TMED3: variants seen among roughly 807,000 people sequenced by gnomAD.
TMED3 encodes transmembrane p24 trafficking protein 3.
TMED3 carries 9 observed loss-of-function variants against 15.0 expected under a neutral mutation model. The ratio of observed to expected loss-of-function variants is 0.60; its 90% CI spans 0.36 to 1.04. TMED3 has a LOEUF of 1.04. Among genes scored for constraint, TMED3 ranks in the 50% least tolerant of loss-of-function variants. The pLI is 0.01. For synonymous variants in TMED3, 117 were observed against 121.4 expected, an observed-to-expected ratio of 0.96 and a Z score of 0.24; for missense variants, 267 against 278.9, an observed-to-expected ratio of 0.96 and a Z score of 0.30.
intron 2 of TMED3, among the ~76,000 whole-genome samples, chr15:79,349,302 T>C (rs2058882744): frequency 6.6e-6 from 1 of 152,232 alleles, no homozygotes; most frequent in African/African-American, 2.4e-5. Flanking sequence ...CAAAACATCA[T>C]ATGGTGCATG....
intron 2 of TMED3, among the ~76,000 whole-genome samples, chr15:79,348,018 C>T (rs903830847): frequency 2.6e-5 from 4 of 152,090 alleles, no homozygotes; most frequent in Non-Finnish European, 4.4e-5. Context: ...GAATGATGCC[C>T]AGTCATAGAT....
chr15:79,326,328 C>T (rs1282178981), downstream of TMED3, among the ~76,000 whole-genome samples: 2 of 152,166 alleles, frequency 1.3e-5, no homozygotes, highest in South Asian at 2.1e-4. Context: ...TCCAGAAATG[C>T]GTAGTTTATT....
chr15:79,398,981 G>C (rs559570183), intron 2 of TMED3, among the ~76,000 whole-genome samples: 5 of 152,306 alleles, frequency 3.3e-5, no homozygotes, highest in African/African-American at 1.2e-4. Flanking sequence ...CATGATCTCA[G>C]CTCACTGCAA....
intron 2 of TMED3, among the ~76,000 whole-genome samples, chr15:79,392,796 T>C (rs748559610): frequency 7.9e-5 from 12 of 152,208 alleles, no homozygotes; most frequent in Non-Finnish European, 1.5e-4. Context: ...TTCTAAAAGG[T>C]ACATGACACT....
At chr15:79,348,731 A>G (rs1029919402) in intron 2 of TMED3, among the ~76,000 whole-genome samples, 1 of 152,222 alleles carries the variant, frequency 6.6e-6, no homozygotes, top group African/African-American at 2.4e-5. Context: ...AACCTTTAAA[A>G]TGGAACCTCT....
chr15:79,325,601 G>A (rs1198349536), downstream of TMED3, among the ~76,000 whole-genome samples: 3 of 152,256 alleles, frequency 2.0e-5, no homozygotes, highest in African/African-American at 4.8e-5. Flanking sequence ...TGACTCACAC[G>A]ATCACAAGGT....
Position 79,328,528 on chromosome 15 carries a change from C to A in TMED3, c.417+14523C>A, listed in dbSNP as rs567477479. Among the ~76,000 whole-genome samples, 16 of 152,292 alleles carry A rather than the reference C, an allele frequency of 1.1e-4. No individual in the cohort carries two copies. The East Asian group carries it at 2.3e-3, about 22-fold the overall frequency. On this transcript the variant is annotated intron_variant, in intron 2 of 2. Coordinates refer to the TMED3 transcript ENST00000424155. Reference sequence around the variant, plus strand: ...TTAGCCATGCTCACAGCCAGCCCCCCAAAATGGGCTGGGTTTGCATTGCAC... The same window carrying A: ...TTAGCCATGCTCACAGCCAGCCCCCAAAAATGGGCTGGGTTTGCATTGCAC...
chr15:79,412,584 A>G (rs1259881261), exon 3 of TMED3: 1 of 152,398 alleles, frequency 6.6e-6, no homozygotes, highest in African/African-American at 2.4e-5. Context: ...GCGGGACAGC[A>G]TGCGAAGTTG....
intron 2 of TMED3, among the ~76,000 whole-genome samples, chr15:79,374,824 C>G (rs1408607458): frequency 6.6e-6 from 1 of 152,128 alleles, no homozygotes; most frequent in Non-Finnish European, 1.5e-5. Context: ...GGCCATAACT[C>G]CTTTTTCAAG....
intron 2 of TMED3, among the ~76,000 whole-genome samples, chr15:79,380,581 TTATATATA>T (rs375808118): frequency 9.7e-6 from 1 of 102,912 alleles, no homozygotes; most frequent in Non-Finnish European, 2.0e-5. Context: ...ATATATAGTT[TTATATATA>T]TATATATATA....
At chr15:79,411,430 G>A in exon 3 of TMED3, 1 of 702,538 alleles carries the variant, frequency 1.4e-6, no homozygotes, top group Non-Finnish European at 2.6e-6. Flanking sequence ...GAAGGAGGTG[G>A]ACAAGATGGT....
chr15:79,339,535 C>T (rs2058841799), intron 2 of TMED3, among the ~76,000 whole-genome samples: 1 of 152,280 alleles, frequency 6.6e-6, no homozygotes, highest in African/African-American at 2.4e-5. Context: ...TATTAACTTC[C>T]ATTGCAAAAG....
intron 2 of TMED3, among the ~76,000 whole-genome samples, chr15:79,406,150 A>T (rs1200960352): frequency 2.0e-5 from 3 of 152,034 alleles, no homozygotes; most frequent in Middle Eastern, 3.2e-3. Context: ...TCACACTTGC[A>T]CTCTTTCCAT....
At chr15:79,384,212 T>G (rs1160110420) in intron 2 of TMED3, 1 of 152,208 alleles carries the variant, frequency 6.6e-6, no homozygotes, top group Non-Finnish European at 1.5e-5. Context: ...CTCGAGGCAG[T>G]GATTAATACT....
chr15:79,346,327 A>G (rs1266320127), intron 2 of TMED3, among the ~76,000 whole-genome samples: 1 of 152,204 alleles, frequency 6.6e-6, no homozygotes, highest in African/African-American at 2.4e-5. Context: ...TGTAGATCCC[A>G]TAATTCCCAT....
rs2058859578 is a variant in TMED3 at position 79,343,772 on chromosome 15, C to T, written c.417+29767C>T. 3.3e-5 allele frequency among the ~76,000 whole-genome samples: 5 copies of T among 152,104 alleles called. No homozygotes were observed. In the South Asian group the frequency reaches 8.3e-4, roughly 25 times the overall value. On this transcript the variant is annotated intron_variant, in intron 2 of 2. Coordinates refer to the TMED3 transcript ENST00000424155. ...TGAGGCACAAAAGAAAGAAAGGAGT[C>T]AATGACAACTTTGTGAATTTGAACT...
chr15:79,382,123 A>G (rs1893546824), intron 2 of TMED3, among the ~76,000 whole-genome samples: 1 of 152,194 alleles, frequency 6.6e-6, no homozygotes, highest in Non-Finnish European at 1.5e-5. Flanking sequence ...CTCTGCAGCT[A>G]TGGACATGAA....
Position 79,311,306 on chromosome 15 carries a change from C to T in TMED3, c.57C>T (p.Arg19=). 6.2e-7 allele frequency: 1 copy of T among 1,607,270 alleles called. No individual in the cohort carries two copies. Among genetic ancestry groups the T allele is most frequent in the Non-Finnish European group, 8.5e-7 (1 of 1,177,766 alleles). The change falls in exon 1 of 3, where the codon CGC becomes CGT. Residue 19 remains arginine (R), a synonymous_variant. Transcript: ENST00000299705. ...ASVLLLLLLL[R]RAEQPCGAEL... ...TGCTGCTTCTGCTGCTGCTCCTGCG[C>T]CGGGCCGAGCAGCCCTGCGGGGCCG...
intron 2 of TMED3, among the ~76,000 whole-genome samples, chr15:79,334,443 C>T (rs2058820140): frequency 6.6e-6 from 1 of 152,034 alleles, no homozygotes; most frequent in Admixed American, 6.5e-5. Context: ...TTCAGAGTGG[C>T]AGGGCAGGTG....
Sources: allele counts gnomAD v4.1 joint callset (sites outside exome capture counted in the v4.1 genomes callset), GRCh38; gene constraint gnomAD v4.1.1; transcripts MANE v1.5; gene names NCBI Gene and HGNC (gene_info 2026-07-23, HGNC 2026-07-21).